ALPK1: variants seen among roughly 807,000 people sequenced by gnomAD.
ALPK1 encodes the protein alpha-protein kinase 1.
In ALPK1, 110 loss-of-function variants were observed where a neutral mutation model predicts 120.6. The ratio of observed to expected loss-of-function variants is 0.91; its 90% CI spans 0.78 to 1.07. The LOEUF (loss-of-function observed/expected upper bound fraction) is 1.07. Among genes scored for constraint, ALPK1 ranks in the 50% least tolerant of loss-of-function variants. The probability of loss-of-function intolerance (pLI) is 0.00; values close to 1 mark genes in which losing one functional copy is unlikely to be tolerated. For synonymous variants in ALPK1, 582 were observed against 560.3 expected, an observed-to-expected ratio of 1.04 and a Z score of -0.55; for missense variants, 1,498 against 1,483.9, an observed-to-expected ratio of 1.01 and a Z score of -0.16.
intron 2 of ALPK1, chr4:112,356,440 C>G (rs1469270769): frequency 2.1e-6 from 2 of 939,954 alleles, no homozygotes; most frequent in East Asian, 2.5e-5. Flanking sequence ...GCTTGCTACA[C>G]GGACATCCCA....
rs770906114 is a variant in ALPK1, at chr4:112,431,250, CT to C, written c.1704del (p.Val569PhefsTer6). ...TCGGACTACAGCAATGGTGAGGGAG[CT>C]GTTTTCAACAAGTCTCTGAGTGGCA... ...EPSDYSNGEG[A>X]VFNKSLSGSQ... On this transcript the variant is annotated frameshift_variant, in exon 11 of 16. Coordinates refer to ENST00000650871, the MANE Select transcript of ALPK1 (RefSeq NM_025144.4). LOFTEE classifies it high-confidence loss of function. 26 of 1,614,034 alleles carry C rather than the reference CT, an allele frequency of 1.6e-5. No individual in the cohort carries two copies. Among genetic ancestry groups the C allele is most frequent in the Non-Finnish European group, 2.1e-5 (25 of 1,180,044 alleles).
chr4:112,358,054 C>A, intron 2 of ALPK1: 1 of 586,920 alleles, frequency 1.7e-6, no homozygotes, highest in Non-Finnish European at 3.2e-6. Context: ...TCATCACGGG[C>A]CTCCATAGCC....
chr4:112,440,695 A>G (rs1420227986), intron 14 of ALPK1, among the ~76,000 whole-genome samples: 1 of 152,210 alleles, frequency 6.6e-6, no homozygotes, highest in Non-Finnish European at 1.5e-5. Context: ...GACAAATATA[A>G]CTGCCCAATA....
chr4:112,403,980 T>C (rs182317153), intron 4 of ALPK1, among the ~76,000 whole-genome samples: 2 of 152,370 alleles, frequency 1.3e-5, no homozygotes, highest in South Asian at 2.1e-4. Context: ...GATTCCTCCA[T>C]TGGCGACAGC....
rs181007414 is a variant in ALPK1 at position 112,400,311 on chromosome 4, A to T, written c.277-11516A>T. On this transcript the variant is annotated intron_variant, in intron 4 of 15. Coordinates refer to ENST00000650871, the MANE Select transcript of ALPK1 (RefSeq NM_025144.4). ...GATATTGGTATCACACTTACCAGAG[A>T]AGGGTAGATGAAACACATAGGTTCC... is the stretch of plus-strand genomic sequence containing the variant. 2.8e-3 allele frequency among the ~76,000 whole-genome samples: 432 copies of T among 152,302 alleles called. 1 individual carries two copies. The highest frequency in any genetic ancestry group is 9.8e-3 in the African/African-American group (406 of 41,564).
At chr4:112,332,648 G>A (rs543482543) in intron 2 of ALPK1, among the ~76,000 whole-genome samples, 23 of 152,314 alleles carry the variant, frequency 1.5e-4, no homozygotes, top group Non-Finnish European at 2.9e-4. Flanking sequence ...GCTGAGTAAG[G>A]TCTTCTCTAA....
chr4:112,358,958 G>A (rs1730780307), intron 2 of ALPK1: 1 of 768,876 alleles, frequency 1.3e-6, no homozygotes, highest in East Asian at 2.4e-5. Flanking sequence ...AGTTTGTGCA[G>A]CCCCACCACA....
intron 2 of ALPK1, among the ~76,000 whole-genome samples, chr4:112,331,915 T>C (rs1357573082): frequency 2.0e-5 from 3 of 152,232 alleles, no homozygotes; most frequent in African/African-American, 7.2e-5. Context: ...GTCTCATACA[T>C]AATCAGTTGA....
At chr4:112,346,530 T>A (rs1023780651) in intron 2 of ALPK1, among the ~76,000 whole-genome samples, 45 of 152,368 alleles carry the variant, frequency 3.0e-4, no homozygotes, top group African/African-American at 9.9e-4. Context: ...TTTTCCAAAC[T>A]TATTGGTGTC....
chr4:112,391,458 G>T lies in ALPK1; in HGVS notation c.276+8906G>T, dbSNP rs548181645. ...CATGGGTTGAATTGACCCCCCAAAT[G>T]ATGCATTAAAGTCTTATCCCTCGGT... On this transcript the variant is annotated intron_variant, in intron 4 of 15. Transcript: ENST00000650871. Among the ~76,000 whole-genome samples, 13 of 152,284 alleles carry T rather than the reference G, an allele frequency of 8.5e-5. 1 individual carries two copies. Among genetic ancestry groups the T allele is most frequent in the African/African-American group, 2.4e-4 (10 of 41,530 alleles).
At chr4:112,399,300 AT>A (rs1014381871) in intron 4 of ALPK1, among the ~76,000 whole-genome samples, 2 of 152,116 alleles carry the variant, frequency 1.3e-5, no homozygotes, top group African/African-American at 2.4e-5. Context: ...GCCACCAGAA[AT>A]TTTTTTCTTT....
intron 2 of ALPK1, among the ~76,000 whole-genome samples, chr4:112,366,134 G>A (rs72666242): frequency 0.036 from 5,478 of 152,090 alleles, 155 homozygotes; most frequent in East Asian, 0.11. Flanking sequence ...AATCTTACTA[G>A]ACATTGGCTC....
At chr4:112,414,566 C>T (rs1471672345) in intron 5 of ALPK1, 2 of 218,890 alleles carry the variant, frequency 9.1e-6, no homozygotes, top group East Asian at 1.8e-4. Context: ...TGAGATCACA[C>T]CATTGTACTC....
intron 5 of ALPK1, among the ~76,000 whole-genome samples, chr4:112,413,215 G>C (rs1229040311): frequency 6.6e-6 from 1 of 152,168 alleles, no homozygotes; most frequent in Non-Finnish European, 1.5e-5. Context: ...TTCTCTGAGG[G>C]GAACAGAGTG....
At chr4:112,430,238 CTT>C (rs1734476033) in intron 10 of ALPK1, among the ~76,000 whole-genome samples, 1 of 152,190 alleles carries the variant, frequency 6.6e-6, no homozygotes, top group Non-Finnish European at 1.5e-5. Context: ...CAGCCAGTCA[CTT>C]ATATCCCCAT....
intron 1 of ALPK1, among the ~76,000 whole-genome samples, chr4:112,308,535 C>T (rs1165214714): frequency 2.6e-5 from 4 of 152,034 alleles, no homozygotes; most frequent in Admixed American, 1.3e-4. Context: ...TCCAGTTGAT[C>T]GAATCGGCTA....
At chr4:112,439,480 C>T (rs535878122) in intron 13 of ALPK1, among the ~76,000 whole-genome samples, 4 of 152,238 alleles carry the variant, frequency 2.6e-5, no homozygotes, top group South Asian at 2.1e-4. Flanking sequence ...TGCCACATGC[C>T]GTGTTAAGCA....
intron 2 of ALPK1, among the ~76,000 whole-genome samples, chr4:112,371,017 C>T (rs1731381669): frequency 6.6e-6 from 1 of 152,146 alleles, no homozygotes; most frequent in Non-Finnish European, 1.5e-5. Flanking sequence ...GTAACATTGT[C>T]CACTCAGTTT....
chr4:112,400,399 CT>C (rs1344649750), intron 4 of ALPK1, among the ~76,000 whole-genome samples: 2 of 152,186 alleles, frequency 1.3e-5, no homozygotes, highest in African/African-American at 4.8e-5. Flanking sequence ...CATTGACTCT[CT>C]TTTCTCAGTG....
Sources: gnomAD v4.1 joint callset for allele counts (sites outside exome capture counted in the v4.1 genomes callset) on GRCh38, gnomAD v4.1.1 for gene constraint, MANE v1.5 for transcripts, NCBI Gene and HGNC (gene_info 2026-07-23, HGNC 2026-07-21) for gene names.